Variants in GOLGA4 observed in about 807,000 individuals in gnomAD.
GOLGA4 encodes golgin A4.
A neutral mutation model predicts 265.9 loss-of-function variants in GOLGA4; 169 were observed. The observed-to-expected ratio is 0.64, with a 90% CI of 0.56 to 0.72. The LOEUF is 0.72. Among genes scored for constraint, GOLGA4 ranks in the 30% least tolerant of loss-of-function variants. GOLGA4 has a pLI of 0.00. For missense variants in GOLGA4, 2,482 were observed against 2,483.4 expected, an observed-to-expected ratio of 1.00 and a Z score of 0.01; for synonymous variants, 923 against 855.8, an observed-to-expected ratio of 1.08 and a Z score of -1.37.
At chr3:37,357,415 G>A (rs886940659) in intron 22 of GOLGA4, among the ~76,000 whole-genome samples, 5 of 152,174 alleles carry the variant, frequency 3.3e-5, no homozygotes, top group Admixed American at 3.3e-4. Flanking sequence ...AATTTTAGGG[G>A]GAAGGGGTAA....
At chr3:37,297,919 C>T (rs969984415) in intron 7 of GOLGA4, among the ~76,000 whole-genome samples, 6 of 151,986 alleles carry the variant, frequency 3.9e-5, no homozygotes, top group African/African-American at 9.7e-5. Context: ...ATCCCAGCTA[C>T]TTGGGAGGTT....
intron 16 of GOLGA4, among the ~76,000 whole-genome samples, chr3:37,332,835 GT>G (rs1170816543): frequency 2.0e-5 from 3 of 151,600 alleles, no homozygotes; most frequent in East Asian, 3.9e-4. Flanking sequence ...TTTCTATGTC[GT>G]TTTTTCACTT....
At chr3:37,276,970 G>A (rs2096821110) in intron 2 of GOLGA4, among the ~76,000 whole-genome samples, 1 of 152,030 alleles carries the variant, frequency 6.6e-6, no homozygotes, top group Admixed American at 6.6e-5. Context: ...ATACATAAAT[G>A]AAAATACTTT....
At chr3:37,353,778 A>G (rs1221842028) in intron 21 of GOLGA4, among the ~76,000 whole-genome samples, 1 of 151,964 alleles carries the variant, frequency 6.6e-6, no homozygotes, top group African/African-American at 2.4e-5. Flanking sequence ...TTTTGTAGAG[A>G]TGGGGGTCTC....
intron 10 of GOLGA4, among the ~76,000 whole-genome samples, chr3:37,308,233 CAA>C (rs750032403): frequency 9.2e-6 from 1 of 108,726 alleles, no homozygotes. Context: ...AACTCTGTCT[CAA>C]AAAAAAAAAA....
At chr3:37,346,849 G>A (rs1204916523) in intron 20 of GOLGA4, among the ~76,000 whole-genome samples, 3 of 152,070 alleles carry the variant, frequency 2.0e-5, no homozygotes, top group Admixed American at 6.6e-5. Flanking sequence ...CTGCTCATCA[G>A]ACATATGTAA....
chr3:37,279,745 G>A (rs1449363158), intron 2 of GOLGA4, among the ~76,000 whole-genome samples: 1 of 151,800 alleles, frequency 6.6e-6, no homozygotes, highest in Non-Finnish European at 1.5e-5. Flanking sequence ...CCTCTCTACC[G>A]AAAATATAAA....
chr3:37,289,989 C>T (rs1178857406), intron 5 of GOLGA4, among the ~76,000 whole-genome samples: 1 of 152,046 alleles, frequency 6.6e-6, no homozygotes, highest in Non-Finnish European at 1.5e-5. Flanking sequence ...GTTTTTGTTA[C>T]TTTCTGTTAA....
intron 20 of GOLGA4, 107 bp from the exon 21 acceptor site, chr3:37,347,086 C>A: frequency 1.6e-6 from 1 of 641,434 alleles, no homozygotes. Context: ...AATATAAAAG[C>A]ATGCCTCTCT....
At chr3:37,290,333 T>C (rs927670298) in intron 5 of GOLGA4, among the ~76,000 whole-genome samples, 121 of 152,324 alleles carry the variant, frequency 7.9e-4, no homozygotes, top group African/African-American at 2.7e-3. Flanking sequence ...ACAATCAGAA[T>C]TAATCATATA....
chr3:37,324,444 G>T lies in GOLGA4; in HGVS notation c.2558G>T (p.Cys853Phe). The part of the protein sequence containing the change: ...AEVEAQKKDV[C>F]TELDAHKIQV... ...GTTGAAGCACAAAAGAAAGATGTTT[G>T]TACTGAGTTAGATGCTCACAAAATC... The change falls in exon 14 of 24, where the codon TGT (cysteine) becomes TTT (phenylalanine). Residue 853 changes from cysteine to phenylalanine, a missense_variant. By Grantham distance (205) the Cys-to-Phe change is radical. Transcript: ENST00000361924. 1 of 1,614,166 alleles carries T rather than the reference G, an allele frequency of 6.2e-7. No homozygotes were observed. The highest frequency in any genetic ancestry group is 8.5e-7 in the Non-Finnish European group (1 of 1,180,000).
chr3:37,302,444 G>A lies in GOLGA4; in HGVS notation c.1234+112G>A, dbSNP rs770440611. The A allele has an allele frequency of 3.5e-5, 33 of 952,150 alleles. 1 individual carries two copies. Among genetic ancestry groups the A allele is most frequent in the Middle Eastern group, 5.1e-4 (2 of 3,934 alleles). The allele number at this position is 952,150 out of a possible 1,614,324, so 59.0% of individuals were successfully genotyped here. A position where few individuals can be genotyped will look rare whatever the true frequency, so the allele number is the denominator to read the frequency against. On this transcript the variant is annotated intron_variant, in intron 10 of 23. Transcript: ENST00000361924. ...ATTGATAAAAATTCTTAACTATAGA[G>A]GCTCCTAATAAGACACCCATCTGCT...
rs757309333 is a variant in GOLGA4, at chr3:37,324,318, A to G, written c.2432A>G (p.His811Arg). The change falls in exon 14 of 24, where the codon CAT becomes CGT. Residue 811 changes from histidine (H) to arginine (R), a missense_variant. Transcript: ENST00000361924. ...TTTCAGTCTTACCAGAGTGCCACAC[A>G]TGAGCAGACAAAAGCATATGAGGAA... ...DVFQSYQSAT[H>R]EQTKAYEEQL... 11 of 1,614,086 alleles carry G rather than the reference A, an allele frequency of 6.8e-6. No homozygotes were observed. The highest frequency in any genetic ancestry group is 2.2e-5 in the East Asian group (1 of 44,898).
chr3:37,326,834 G>A lies in GOLGA4; in HGVS notation c.4948G>A (p.Ala1650Thr), dbSNP rs1273652157. The A allele has an allele frequency of 3.1e-6, 5 of 1,613,512 alleles. No individual in the cohort carries two copies. The African/African-American group carries it at 6.7e-5, about 22-fold the overall frequency. Residue 1650 changes from alanine (A) to threonine (T), a missense_variant, in exon 14 of 24, where the codon GCC (alanine) becomes ACC (threonine). By Grantham distance (58) the Ala-to-Thr change is moderately conservative. Transcript: ENST00000361924. ...GAGAAAAGCTGAACAAAAAATTGCT[G>A]CCATTAAGAAGCAGTTGTTATCTCA... ...LKRKAEQKIA[A>T]IKKQLLSQME... is the part of the protein sequence containing the mutation.
chr3:37,321,272 C>A (rs1229888095), intron 12 of GOLGA4, among the ~76,000 whole-genome samples: 1 of 152,062 alleles, frequency 6.6e-6, no homozygotes, highest in Non-Finnish European at 1.5e-5. Context: ...CTTGATCTTC[C>A]CCATATATTA....
rs1473747382 is a variant in GOLGA4, at chr3:37,324,259, G to A, written c.2373G>A (p.Gly791=). Residue 791 remains glycine (G), a synonymous_variant, in exon 14 of 24, where the codon GGG becomes GGA. Coordinates refer to ENST00000361924, the MANE Select transcript of GOLGA4 (RefSeq NM_002078.5). ...NLEADIKRSE[G]ELQQASAKLD... Reference sequence around the variant, plus strand: ...AGGCAGATATTAAAAGGTCTGAAGGGGAACTCCAGCAGGCATCTGCTAAGC... The same window carrying A: ...AGGCAGATATTAAAAGGTCTGAAGGAGAACTCCAGCAGGCATCTGCTAAGC... 1.2e-6 allele frequency: 2 copies of A among 1,614,142 alleles called. No individual in the cohort carries two copies. Among genetic ancestry groups the A allele is most frequent in the Admixed American group, 1.7e-5 (1 of 60,024 alleles).
intron 9 of GOLGA4, among the ~76,000 whole-genome samples, chr3:37,301,685 G>A (rs989234182): frequency 6.6e-6 from 1 of 152,156 alleles, no homozygotes; most frequent in African/African-American, 2.4e-5. Flanking sequence ...TAGGTAATAG[G>A]ATTAGAGCAG....
Position 37,325,243 on chromosome 3 carries a change from T to A in GOLGA4, c.3357T>A (p.Ser1119=). The change falls in exon 14 of 24, where the codon TCT becomes TCA. Residue 1119 remains serine, a synonymous_variant. Coordinates refer to ENST00000361924, the MANE Select transcript of GOLGA4 (RefSeq NM_002078.5). ...NELQEQLKQK[S]AHVNSLAQDE... ...TACAGGAACAGTTAAAGCAGAAGTC[T>A]GCCCATGTGAATTCTCTTGCACAAG... The A allele has an allele frequency of 6.2e-7, 1 of 1,612,908 alleles. No individual in the cohort carries two copies. Among genetic ancestry groups the A allele is most frequent in the Non-Finnish European group, 8.5e-7 (1 of 1,179,304 alleles).
In GOLGA4 at chr3:37,328,268, A is replaced by ACT. The variant is rs1491516592; in HGVS notation, c.5940-146_5940-145dup. ...CACACACACACACACACACACACAC[A>ACT]CTCACTCTCACACTCTCTCTCTCTC... On this transcript the variant is annotated intron_variant, in intron 14 of 23. Transcript: ENST00000361924. The ACT allele has an allele frequency of 3.0e-3, 2,021 of 675,828 alleles. 14 individuals carry two copies. The highest frequency in any genetic ancestry group is 1.7e-3 in the Non-Finnish European group (654 of 387,902). 41.9% of individuals were successfully genotyped at this position (675,828 alleles called of 1,614,324 possible).
Sources: allele counts gnomAD v4.1 joint callset (sites outside exome capture counted in the v4.1 genomes callset), GRCh38; gene constraint gnomAD v4.1.1; transcripts MANE v1.5; gene names NCBI Gene and HGNC (gene_info 2026-07-23, HGNC 2026-07-21).